Variants in MYT1L observed in about 807,000 individuals in gnomAD.
MYT1L encodes myelin transcription factor 1-like protein.
Under a neutral mutation model 126.7 loss-of-function variants are expected in MYT1L, and 12 were observed. The observed-to-expected ratio is 0.09, with a 90% confidence interval of 0.06 to 0.15. The LOEUF (loss-of-function observed/expected upper bound fraction) is 0.15, where lower values mean the gene tolerates loss of function less well. MYT1L is among the 10% of genes least tolerant of loss of function. The probability of loss-of-function intolerance (pLI) is 1.00; values close to 1 mark genes in which losing one functional copy is unlikely to be tolerated. For missense variants in MYT1L, 979 were observed against 1,585.2 expected (o/e 0.62, Z 6.49); for synonymous variants, 541 against 604.2 (o/e 0.90, Z 1.53).
chr2:2,310,226 A>T (rs559250206), intron 1 of MYT1L, among the ~76,000 whole-genome samples: 133 of 152,150 alleles, frequency 8.7e-4, no homozygotes, highest in African/African-American at 3.0e-3. Context: ...TACTCCAGTT[A>T]CATTTCAGCA....
chr2:2,065,179 CAGGGCA>C (rs1032111038), intron 3 of MYT1L, among the ~76,000 whole-genome samples: 11 of 152,168 alleles, frequency 7.2e-5, no homozygotes, highest in African/African-American at 2.6e-4. Flanking sequence ...GCCTGGGCTA[CAGGGCA>C]AGATCCTGTT....
At chr2:1,850,525 G>A (rs1354208647) in intron 19 of MYT1L, among the ~76,000 whole-genome samples, 1 of 152,078 alleles carries the variant, frequency 6.6e-6, no homozygotes, top group Non-Finnish European at 1.5e-5. Context: ...AGCATGTAGT[G>A]GATTCGCCTT....
intron 9 of MYT1L, among the ~76,000 whole-genome samples, chr2:1,940,513 G>C (rs370435315): frequency 4.1e-3 from 510 of 123,536 alleles, no homozygotes; most frequent in Middle Eastern, 0.017. Context: ...TCTCACACTG[G>C]TAGCAGGTAG....
chr2:2,310,079 C>T (rs568925772), intron 1 of MYT1L, among the ~76,000 whole-genome samples: 1 of 152,032 alleles, frequency 6.6e-6, no homozygotes, highest in East Asian at 1.9e-4. Context: ...CTTTTATGTT[C>T]TCTACCTAGA....
At chr2:1,970,809 T>C (rs956048335) in intron 8 of MYT1L, among the ~76,000 whole-genome samples, 1 of 152,240 alleles carries the variant, frequency 6.6e-6, no homozygotes, top group Non-Finnish European at 1.5e-5. Context: ...CGCAAATTTC[T>C]TCTGTGTATT....
chr2:1,914,588 A>G (rs13400823), intron 11 of MYT1L, among the ~76,000 whole-genome samples: 70,646 of 151,916 alleles, frequency 0.47, 18,694 homozygotes, highest in African/African-American at 0.72. Context: ...CAAACCCTGC[A>G]GAATATCATG....
chr2:2,039,577 G>A (rs891877), intron 4 of MYT1L, among the ~76,000 whole-genome samples: 15,324 of 152,218 alleles, frequency 0.1, 969 homozygotes, highest in African/African-American at 0.18. Flanking sequence ...AATTGCTCAG[G>A]AAAAACATGA....
At chr2:2,089,822 C>T (rs2076728232) in intron 3 of MYT1L, among the ~76,000 whole-genome samples, 1 of 152,178 alleles carries the variant, frequency 6.6e-6, no homozygotes, top group Non-Finnish European at 1.5e-5. Flanking sequence ...CTCCTCCTCT[C>T]CTCCACTGAT....
At chr2:2,006,373 A>T (rs552795514) in intron 4 of MYT1L, among the ~76,000 whole-genome samples, 1 of 152,298 alleles carries the variant, frequency 6.6e-6, no homozygotes, top group African/African-American at 2.4e-5. Flanking sequence ...TTTTTGTGAC[A>T]AGAGCAGCTA....
At chr2:2,024,556 C>G (rs1367113087) in intron 4 of MYT1L, among the ~76,000 whole-genome samples, 1 of 152,206 alleles carries the variant, frequency 6.6e-6, no homozygotes, top group Admixed American at 6.5e-5. Flanking sequence ...TCCTTGGCAA[C>G]TTCATTCACT....
At position 1,922,316 on chromosome 2, in the gene MYT1L, T is replaced by C; in HGVS notation, c.1453A>G (p.Ser485Gly). The C allele has an allele frequency of 1.2e-6, 2 of 1,613,952 alleles. No homozygotes were observed. Among genetic ancestry groups the C allele is most frequent in the Non-Finnish European group, 1.7e-6 (2 of 1,179,848 alleles). ...GEDRKPKSSDSHVKKPYYGKD... is the reference protein window; with the variant it reads ...GEDRKPKSSDGHVKKPYYGKD... The stretch of plus-strand genomic sequence containing the variant: ...CCATAGTATGGCTTTTTGACATGGC[T>C]GTCACTGGATTTAGGCTTTCTGTCC... Residue 485 changes from serine (S) to glycine (G), a missense_variant, in exon 10 of 25, where the codon AGC (serine) becomes GGC (glycine). Ser to Gly is a moderately conservative substitution (Grantham distance 56). Around this residue, in one of 12 missense-constraint regions of MYT1L, gnomAD observed 67 missense variants for 80.3 expected, o/e 0.83. Coordinates refer to ENST00000647738, the MANE Select transcript of MYT1L (RefSeq NM_001303052.2). The surrounding 1 kb of genome is among the most constrained non-coding windows in gnomAD (Gnocchi z 7.4).
chr2:2,097,678 G>A lies in MYT1L; in HGVS notation c.-303-43555C>T, dbSNP rs566311604. 3.3e-5 allele frequency among the ~76,000 whole-genome samples: 5 copies of A among 152,158 alleles called. No homozygotes were observed. The South Asian group carries it at 8.3e-4, about 25-fold the overall frequency. On this transcript the variant is annotated intron_variant, in intron 3 of 24. Coordinates refer to ENST00000647738, the MANE Select transcript of MYT1L (RefSeq NM_001303052.2). ...AGACTTACCTAAGTTCACAGCGATC[G>A]AGAGGAGGGCAAGGATGTGAGGGGA...
At chr2:1,865,013 G>T (rs1482315329) in intron 18 of MYT1L, among the ~76,000 whole-genome samples, 1 of 152,160 alleles carries the variant, frequency 6.6e-6, no homozygotes, top group East Asian at 1.9e-4. Flanking sequence ...TTCTGCCAGA[G>T]GATGCTGCTC....
chr2:2,162,165 C>A (rs2088075054), intron 3 of MYT1L, among the ~76,000 whole-genome samples: 1 of 152,130 alleles, frequency 6.6e-6, no homozygotes, highest in Admixed American at 6.5e-5. Flanking sequence ...AGGCAGACCT[C>A]CATGGGGCGC....
At chr2:1,991,587 T>C (rs1398054865) in intron 5 of MYT1L, among the ~76,000 whole-genome samples, 7 of 152,124 alleles carry the variant, frequency 4.6e-5, no homozygotes, top group Non-Finnish European at 1.0e-4. Context: ...CCTAGATCCT[T>C]TTCTTAAAGC....
At chr2:1,891,888 C>G in intron 15 of MYT1L, 149 bp downstream of exon 15, 1 of 1,370,488 alleles carries the variant, frequency 7.3e-7, no homozygotes, top group Non-Finnish European at 9.6e-7. Context: ...GGAAGCTGCA[C>G]TAATTGTTCA....
At chr2:2,231,352 A>G (rs975790436) in intron 2 of MYT1L, among the ~76,000 whole-genome samples, 3 of 152,230 alleles carry the variant, frequency 2.0e-5, no homozygotes, top group African/African-American at 2.4e-5. Flanking sequence ...TCTGTCTATT[A>G]CTAATTAACA....
chr2:2,039,629 C>G (rs143744971), intron 4 of MYT1L, among the ~76,000 whole-genome samples: 1 of 152,316 alleles, frequency 6.6e-6, no homozygotes, highest in Non-Finnish European at 1.5e-5. Flanking sequence ...GTCACAGGTT[C>G]TCCACCCATC....
intron 2 of MYT1L, among the ~76,000 whole-genome samples, chr2:2,179,321 T>C (rs957111352): frequency 6.6e-6 from 1 of 152,224 alleles, no homozygotes; most frequent in Admixed American, 6.5e-5. Flanking sequence ...TGCCTTCCTT[T>C]CTTTCCTGGG....
Sources: allele counts gnomAD v4.1 joint callset (sites outside exome capture counted in the v4.1 genomes callset), GRCh38; gene constraint gnomAD v4.1.1; regional missense constraint gnomAD v4.1.1; non-coding constraint Gnocchi (gnomAD v3.1); transcripts MANE v1.5; gene names NCBI Gene and HGNC (gene_info 2026-07-23, HGNC 2026-07-21).